ACTN1: variants seen among roughly 807,000 people sequenced by gnomAD.
ACTN1 encodes alpha-actinin-1.
Under a neutral mutation model 119.6 loss-of-function variants are expected in ACTN1, and 30 were observed. That is an observed-to-expected ratio of 0.25 (90% CI 0.19 to 0.34). The LOEUF (loss-of-function observed/expected upper bound fraction) is 0.34, where lower values mean the gene tolerates loss of function less well. Among genes scored for constraint, ACTN1 ranks in the 10% least tolerant of loss-of-function variants. ACTN1 has a pLI of 1.00. For missense variants in ACTN1, 764 were observed against 1,223.4 expected (o/e 0.62, Z 5.60); for synonymous variants, 429 against 472.6 (o/e 0.91, Z 1.20).
chr14:68,943,136 G>A (rs1257747513), intron 1 of ACTN1, among the ~76,000 whole-genome samples: 1 of 152,170 alleles, frequency 6.6e-6, no homozygotes, highest in Non-Finnish European at 1.5e-5. Context: ...GGCCGGCGGT[G>A]GTCTGGGGTG....
At chr14:68,967,886 G>GAGCAC (rs1305873178) in intron 1 of ACTN1, among the ~76,000 whole-genome samples, 1 of 152,226 alleles carries the variant, frequency 6.6e-6, no homozygotes, top group Non-Finnish European at 1.5e-5. Flanking sequence ...TTGTCTTGCA[G>GAGCAC]AGCACAGCCA....
intron 10 of ACTN1, among the ~76,000 whole-genome samples, chr14:68,891,049 C>T (rs1401242184): frequency 1.3e-5 from 2 of 152,178 alleles, no homozygotes; most frequent in African/African-American, 4.8e-5. Context: ...AGCCTTGGAG[C>T]CCCGAAATGA....
chr14:68,925,706 GGCTGGTGTTGTCACCC>G lies in ACTN1; in HGVS notation c.106-50_106-35del. ...AGACAAGAAGGGCAAGTGGTCAGGG[GGCTGGTGTTGTCACCC>G]TCATTGGACAAGCCATTTAATGGTG... On this transcript the variant is annotated intron_variant, in intron 1 of 21. Coordinates refer to ENST00000394419, the MANE Select transcript of ACTN1 (RefSeq NM_001130004.2). The surrounding 1 kb of genome is among the most constrained non-coding windows in gnomAD (Gnocchi z 4.3). 6.4e-7 allele frequency: 1 copy of G among 1,566,598 alleles called. No homozygotes were observed. Among genetic ancestry groups the G allele is most frequent in the Non-Finnish European group, 8.8e-7 (1 of 1,142,540 alleles).
chr14:68,888,420 G>A (rs28622581), intron 11 of ACTN1, among the ~76,000 whole-genome samples: 3,684 of 152,260 alleles, frequency 0.024, 158 homozygotes, highest in African/African-American at 0.084. Context: ...AATCCCCACT[G>A]TGCCTCCTCC....
chr14:68,960,604 C>T (rs1447489257), intron 1 of ACTN1, among the ~76,000 whole-genome samples: 1 of 152,122 alleles, frequency 6.6e-6, no homozygotes, highest in Non-Finnish European at 1.5e-5. Context: ...AGCTCTGGAT[C>T]TTCTAACTTT....
chr14:68,889,857 T>A (rs1334081776), intron 11 of ACTN1, among the ~76,000 whole-genome samples: 1 of 152,106 alleles, frequency 6.6e-6, no homozygotes, highest in Non-Finnish European at 1.5e-5. Flanking sequence ...AAGTGAACAC[T>A]CACACAGCAC....
chr14:68,875,201 T>C, intron 21 of ACTN1, 184 bp from the exon 22 acceptor site: 2 of 1,454,418 alleles, frequency 1.4e-6, no homozygotes, highest in Non-Finnish European at 1.8e-6. Context: ...ATACACAACA[T>C]GTATTTTTAA....
intron 10 of ACTN1, among the ~76,000 whole-genome samples, chr14:68,891,516 C>T (rs540124074): frequency 7.2e-5 from 11 of 151,964 alleles, no homozygotes; most frequent in Admixed American, 3.9e-4. Context: ...AATATTTACA[C>T]GAAAAAACCA....
chr14:68,977,805 C>CA (rs1555361569), intron 1 of ACTN1: 2 of 367,478 alleles, frequency 5.4e-6, no homozygotes, highest in Non-Finnish European at 1.1e-5. Context: ...TCCTGTCCCC[C>CA]CCCCACCCAA....
intron 21 of ACTN1, among the ~76,000 whole-genome samples, chr14:68,875,303 A>C (rs771805350): frequency 3.3e-5 from 5 of 152,254 alleles, no homozygotes; most frequent in Non-Finnish European, 7.3e-5. Context: ...TCATCTTCTG[A>C]ATCACACTAG....
At chr14:68,884,651 G>T in intron 13 of ACTN1, 124 bp downstream of exon 13, 1 of 849,574 alleles carries the variant, frequency 1.2e-6, no homozygotes, top group Non-Finnish European at 1.9e-6. Context: ...ATTTAGGCCA[G>T]GGTTGGGGGA....
chr14:68,899,345 T>C (rs2033137295), intron 8 of ACTN1, among the ~76,000 whole-genome samples: 2 of 129,016 alleles, frequency 1.6e-5, no homozygotes, highest in South Asian at 2.6e-4. Context: ...TCACACCTCC[T>C]ACACACCACA....
chr14:68,893,626 T>G (rs1257781775), intron 9 of ACTN1, 29 bp downstream of exon 9: 1 of 1,607,516 alleles, frequency 6.2e-7, no homozygotes, highest in Admixed American at 1.7e-5. Flanking sequence ...CTTGCTAGAG[T>G]CAGGCCAGGT....
intron 1 of ACTN1, chr14:68,936,500 CTT>C (rs66604725): frequency 0.015 from 3,825 of 247,860 alleles, 1 homozygote; most frequent in Middle Eastern, 0.019. Flanking sequence ...CTGTCATTAC[CTT>C]TTTTTTTTTT....
chr14:68,933,650 G>A (rs74059828), intron 1 of ACTN1, among the ~76,000 whole-genome samples: 15,420 of 152,078 alleles, frequency 0.1, 946 homozygotes, highest in African/African-American at 0.16. Flanking sequence ...GGGAACATAG[G>A]CCCTTGGCTG....
chr14:68,941,806 CA>C (rs1331348021), intron 1 of ACTN1, among the ~76,000 whole-genome samples: 2 of 152,132 alleles, frequency 1.3e-5, no homozygotes, highest in African/African-American at 4.8e-5. Flanking sequence ...TCATGGGGGA[CA>C]CCTTGGCACC....
chr14:68,964,384 G>C (rs1263596562), intron 1 of ACTN1, among the ~76,000 whole-genome samples: 2 of 152,212 alleles, frequency 1.3e-5, no homozygotes, highest in African/African-American at 4.8e-5. Context: ...CGACCAGAGA[G>C]GGGCCACTTC....
intron 1 of ACTN1, among the ~76,000 whole-genome samples, chr14:68,968,471 A>G (rs2036773449): frequency 6.6e-6 from 1 of 151,658 alleles, no homozygotes. Context: ...ATTGGGTATG[A>G]CCCCATCTAC....
intron 8 of ACTN1, among the ~76,000 whole-genome samples, 162 bp downstream of exon 8, chr14:68,902,315 G>T (rs1018975634): frequency 1.3e-5 from 2 of 152,184 alleles, no homozygotes; most frequent in African/African-American, 4.8e-5. Context: ...CGGGAGCCAG[G>T]TAAGAACAAC....
Sources: gnomAD v4.1 joint callset for allele counts (sites outside exome capture counted in the v4.1 genomes callset) on GRCh38, gnomAD v4.1.1 for gene constraint, Gnocchi (gnomAD v3.1) non-coding constraint, MANE v1.5 for transcripts, NCBI Gene and HGNC (gene_info 2026-07-23, HGNC 2026-07-21) for gene names.